The following WDR41 variants were observed in gnomAD, a reference collection of about 807,000 sequenced individuals.
The protein encoded by WDR41 is WD repeat-containing protein 41.
WDR41 carries 63 observed loss-of-function variants against 69.3 expected under a neutral mutation model. The observed-to-expected ratio is 0.91, with a 90% CI of 0.74 to 1.12. The LOEUF (loss-of-function observed/expected upper bound fraction) is 1.12, where lower values mean the gene tolerates loss of function less well. WDR41 is among the 50% of genes most tolerant of loss of function. The pLI is 0.00. For missense variants in WDR41, 543 were observed against 534.5 expected, an observed-to-expected ratio of 1.02 and a Z score of -0.16; for synonymous variants, 185 against 192.1, an observed-to-expected ratio of 0.96 and a Z score of 0.31.
chr5:77,612,985 T>C (rs1231345333), intron 1 of WDR41, among the ~76,000 whole-genome samples: 1 of 150,842 alleles, frequency 6.6e-6, no homozygotes, highest in Non-Finnish European at 1.5e-5. Context: ...TCACAAGCAT[T>C]CTTATACACC....
Position 77,449,782 on chromosome 5 carries a change from A to G in WDR41, c.675T>C (p.Ile225=), listed in dbSNP as rs1799549373. ...TACCATTGACATTAATCAATGAGAGAATATTATCCTGGTGATCAAGGAGGC... is the reference window on the plus strand; with the variant it reads ...TACCATTGACATTAATCAATGAGAGGATATTATCCTGGTGATCAAGGAGGC... ...VKRLLDHQDN[I]LSLINVNDLS... is the part of the protein sequence containing the mutation. The change falls in exon 8 of 13, where the codon ATT becomes ATC. Residue 225 remains isoleucine, a synonymous_variant. Transcript: ENST00000296679. 1.2e-6 allele frequency: 2 copies of G among 1,611,686 alleles called. No individual in the cohort carries two copies. Among genetic ancestry groups the G allele is most frequent in the Non-Finnish European group, 1.7e-6 (2 of 1,177,902 alleles).
At chr5:77,490,249 C>T (rs1429116917) in intron 1 of WDR41, among the ~76,000 whole-genome samples, 1 of 152,154 alleles carries the variant, frequency 6.6e-6, no homozygotes, top group Non-Finnish European at 1.5e-5. Context: ...CAGGAGTAAG[C>T]CACCGCGCCC....
At chr5:77,615,560 A>G (rs894226568) in intron 1 of WDR41, among the ~76,000 whole-genome samples, 34 of 152,184 alleles carry the variant, frequency 2.2e-4, no homozygotes, top group Non-Finnish European at 3.8e-4. Context: ...GATGGTTACT[A>G]TAATAGCCTC....
At chr5:77,530,902 A>G (rs1802518773) in intron 1 of WDR41, among the ~76,000 whole-genome samples, 2 of 151,852 alleles carry the variant, frequency 1.3e-5, no homozygotes, top group Non-Finnish European at 3.0e-5. Context: ...AAACAAGCAC[A>G]GTTAAATGTT....
intron 2 of WDR41, among the ~76,000 whole-genome samples, chr5:77,469,813 G>A (rs1051406986): frequency 2.0e-5 from 3 of 152,274 alleles, no homozygotes; most frequent in African/African-American, 7.2e-5. Context: ...TGGTGTAACT[G>A]AAAGTGACAG....
At chr5:77,542,189 A>G (rs1295322690) in intron 1 of WDR41, among the ~76,000 whole-genome samples, 1 of 152,178 alleles carries the variant, frequency 6.6e-6, no homozygotes, top group Non-Finnish European at 1.5e-5. Flanking sequence ...TAAATACTAC[A>G]TGTTCTCACT....
chr5:77,537,142 C>T (rs1006254491), intron 1 of WDR41, among the ~76,000 whole-genome samples: 5 of 152,176 alleles, frequency 3.3e-5, no homozygotes, highest in African/African-American at 4.8e-5. Context: ...GAATACTTAC[C>T]GACCTTGCCT....
At chr5:77,543,217 C>T (rs565813246) in intron 1 of WDR41, among the ~76,000 whole-genome samples, 147 of 152,252 alleles carry the variant, frequency 9.7e-4, no homozygotes, top group Middle Eastern at 6.8e-3. Context: ...AACTAGAAAA[C>T]CAACTCTGGT....
At chr5:77,447,464 C>T (rs1254796345) in intron 8 of WDR41, among the ~76,000 whole-genome samples, 1 of 152,186 alleles carries the variant, frequency 6.6e-6, no homozygotes, top group Non-Finnish European at 1.5e-5. Flanking sequence ...GACACATGCA[C>T]ATGTATGTTT....
chr5:77,442,765 G>A (rs10070972), intron 8 of WDR41, among the ~76,000 whole-genome samples: 15 of 151,296 alleles, frequency 9.9e-5, no homozygotes, highest in Admixed American at 2.0e-4. Context: ...GGTGGTGGGC[G>A]CCTGTAGTCC....
At chr5:77,534,575 AG>A (rs1252847658) in intron 1 of WDR41, among the ~76,000 whole-genome samples, 3 of 152,062 alleles carry the variant, frequency 2.0e-5, no homozygotes, top group Non-Finnish European at 4.4e-5. Context: ...CTGGGATTAC[AG>A]GCATGCACCA....
intron 3 of WDR41, among the ~76,000 whole-genome samples, chr5:77,464,274 C>CTTTTTTTTTTTTTTTTTTTTTT (rs71606297): frequency 1.1e-5 from 1 of 94,204 alleles, no homozygotes; most frequent in Admixed American, 1.4e-4. Context: ...TAGGAAAAAA[C>CTTTTTTTTTTTTTTTTTTTTTT]TTTTTTTTTT....
At chr5:77,501,871 G>A (rs1298927328) in intron 1 of WDR41, among the ~76,000 whole-genome samples, 2 of 152,116 alleles carry the variant, frequency 1.3e-5, no homozygotes, top group Non-Finnish European at 2.9e-5. Flanking sequence ...CCATTGGTAG[G>A]TCACCAACAT....
chr5:77,512,338 G>A (rs1049121843), intron 1 of WDR41, among the ~76,000 whole-genome samples: 11 of 125,418 alleles, frequency 8.8e-5, no homozygotes, highest in Non-Finnish European at 1.5e-4. Context: ...GAGTGAGAGA[G>A]AGAGAGAGAG....
At chr5:77,565,718 T>C (rs1743613423) in intron 1 of WDR41, among the ~76,000 whole-genome samples, 1 of 152,158 alleles carries the variant, frequency 6.6e-6, no homozygotes, top group Non-Finnish European at 1.5e-5. Flanking sequence ...CCTCTAGCCA[T>C]ACTCTTCCCT....
intron 1 of WDR41, among the ~76,000 whole-genome samples, chr5:77,618,924 A>G (rs967797581): frequency 1.3e-5 from 2 of 152,190 alleles, no homozygotes; most frequent in African/African-American, 4.8e-5. Flanking sequence ...CATCCTGTCC[A>G]TAAGCTATGC....
chr5:77,481,561 C>T (rs956882976), intron 2 of WDR41, among the ~76,000 whole-genome samples: 3 of 151,930 alleles, frequency 2.0e-5, no homozygotes, highest in African/African-American at 4.8e-5. Flanking sequence ...CCGAGGCAGG[C>T]GGAACACGAG....
At chr5:77,604,956 T>A (rs1744389615) in intron 1 of WDR41, among the ~76,000 whole-genome samples, 1 of 152,176 alleles carries the variant, frequency 6.6e-6, no homozygotes, top group Non-Finnish European at 1.5e-5. Flanking sequence ...TCTTAATGCA[T>A]TTTTTAAAAA....
intron 2 of WDR41, among the ~76,000 whole-genome samples, chr5:77,485,097 C>G (rs1801453133): frequency 6.6e-6 from 1 of 152,220 alleles, no homozygotes; most frequent in Non-Finnish European, 1.5e-5. Flanking sequence ...ACATCTGCAT[C>G]AGAGTCTGAG....
Sources: allele counts gnomAD v4.1 joint callset (sites outside exome capture counted in the v4.1 genomes callset), GRCh38; gene constraint gnomAD v4.1.1; transcripts MANE v1.5; gene names NCBI Gene and HGNC (gene_info 2026-07-23, HGNC 2026-07-21).